FNIP1: variants seen among roughly 807,000 people sequenced by gnomAD.
FNIP1 encodes the protein folliculin-interacting protein 1.
A neutral mutation model predicts 124.5 loss-of-function variants in FNIP1; 40 were observed. That is an observed-to-expected ratio of 0.32 (90% CI 0.25 to 0.42). FNIP1 has a LOEUF of 0.42. Among genes scored for constraint, FNIP1 ranks in the 10% least tolerant of loss-of-function variants. The probability of loss-of-function intolerance (pLI) is 1.00; values close to 1 mark genes in which losing one functional copy is unlikely to be tolerated. For synonymous variants in FNIP1, 472 were observed against 470.6 expected, an observed-to-expected ratio of 1.00 and a Z score of -0.04; for missense variants, 1,176 against 1,403.7, an observed-to-expected ratio of 0.84 and a Z score of 2.59.
chr5:131,729,092 G>A lies in FNIP1; in HGVS notation c.354+1812C>T, dbSNP rs544766450. Among the ~76,000 whole-genome samples, 195 of 152,122 alleles carry A rather than the reference G, an allele frequency of 1.3e-3. 1 individual carries two copies. Among genetic ancestry groups the A allele is most frequent in the African/African-American group, 4.6e-3 (190 of 41,502 alleles). The stretch of plus-strand genomic sequence containing the variant: ...GAGGAGCCCCTGCCAGATGCCAGCC[G>A]GAGCTCTCCTGTATGTGATGTCTGT... On this transcript the variant is annotated intron_variant, in intron 3 of 17. Coordinates refer to ENST00000510461, the MANE Select transcript of FNIP1 (RefSeq NM_133372.3).
intron 1 of FNIP1, among the ~76,000 whole-genome samples, chr5:131,767,597 A>G (rs1771481859): frequency 6.6e-6 from 1 of 152,158 alleles, no homozygotes; most frequent in African/African-American, 2.4e-5. Flanking sequence ...ATTAACCTAA[A>G]TACCATAGGA....
chr5:131,728,845 T>C (rs1056954148), intron 3 of FNIP1, among the ~76,000 whole-genome samples: 1 of 152,198 alleles, frequency 6.6e-6, no homozygotes. Context: ...TTGATGCTGG[T>C]GACCTTTGGA....
At position 131,642,913 on chromosome 5, in the gene FNIP1, T is replaced by G. The variant is rs1580720325; in HGVS notation, c.*1772A>C. ...AAAGGTACAATGGCCCGCAAATGTA[T>G]GAACTTTTTAATATTCTGAATTCTG... On this transcript the variant is annotated 3_prime_UTR_variant, in exon 18 of 18. Coordinates refer to ENST00000510461, the MANE Select transcript of FNIP1 (RefSeq NM_133372.3). 2 of 147,310 alleles carry G rather than the reference T, an allele frequency of 1.4e-5. No homozygotes were observed. Among genetic ancestry groups the G allele is most frequent in the Middle Eastern group, 7.1e-3 (2 of 282 alleles). The allele number at this position is 147,310 out of a possible 1,614,324, so 9.1% of individuals were successfully genotyped here.
Position 131,681,762 on chromosome 5 carries a change from T to TAAA in FNIP1, c.1203-2590_1203-2588dup, listed in dbSNP as rs34881164. 3.7e-3 allele frequency among the ~76,000 whole-genome samples: 400 copies of TAAA among 109,368 alleles called. 4 individuals carry two copies. Among genetic ancestry groups the TAAA allele is most frequent in the African/African-American group, 0.013 (333 of 26,476 alleles). The allele number at this position is 109,368 out of a possible 152,430, so 71.7% of individuals were successfully genotyped here. On this transcript the variant is annotated intron_variant, in intron 11 of 17. Coordinates refer to ENST00000510461, the MANE Select transcript of FNIP1 (RefSeq NM_133372.3). ...AGAACAATCCAGGAGTGCCAATTTC[T>TAAA]AAAAAAAAAAAAAAAACGGATTCCA...
At chr5:131,708,474 G>A (rs533838558) in intron 8 of FNIP1, among the ~76,000 whole-genome samples, 1 of 152,234 alleles carries the variant, frequency 6.6e-6, no homozygotes, top group African/African-American at 2.4e-5. Flanking sequence ...ATGCTTTTCT[G>A]AGCTTTTGCC....
chr5:131,734,823 G>T (rs550579172), intron 2 of FNIP1, among the ~76,000 whole-genome samples: 1 of 152,206 alleles, frequency 6.6e-6, no homozygotes, highest in Non-Finnish European at 1.5e-5. Context: ...GGGCTGGAGA[G>T]GATGTGGAGA....
intron 13 of FNIP1, among the ~76,000 whole-genome samples, chr5:131,673,160 A>C (rs1309008301): frequency 6.6e-6 from 1 of 150,744 alleles, no homozygotes; most frequent in Admixed American, 6.6e-5. Context: ...TGATCCTGCT[A>C]CCTCAGCCTC....
At chr5:131,675,477 A>T (rs1251353824) in intron 13 of FNIP1, among the ~76,000 whole-genome samples, 1 of 152,250 alleles carries the variant, frequency 6.6e-6, no homozygotes, top group Non-Finnish European at 1.5e-5. Flanking sequence ...GTCCCAATTT[A>T]AAAAATACTA....
Position 131,672,415 on chromosome 5 carries a change from T to C in FNIP1, c.2029A>G (p.Lys677Glu). The C allele has an allele frequency of 6.2e-7, 1 of 1,614,016 alleles. No homozygotes were observed. Residue 677 changes from lysine to glutamate, a missense_variant, in exon 14 of 18, where the codon AAG becomes GAG. Physicochemically the swap from Lys to Glu is moderately conservative, Grantham distance 56. Around this residue, in one of 2 missense-constraint regions of FNIP1, gnomAD observed 1,109 missense variants for 1,288.5 expected, o/e 0.86. Coordinates refer to ENST00000510461, the MANE Select transcript of FNIP1 (RefSeq NM_133372.3). ...RDKLRTCFDA[K>E]LETVVCTGSV... is the part of the protein sequence containing the mutation. The stretch of plus-strand genomic sequence containing the variant: ...CCTGTGCAAACAACTGTCTCTAACT[T>C]GGCGTCAAAGCAAGTTCTTAATTTA...
At chr5:131,756,836 A>G (rs761521843) in intron 1 of FNIP1, among the ~76,000 whole-genome samples, 6 of 152,214 alleles carry the variant, frequency 3.9e-5, no homozygotes, top group African/African-American at 1.4e-4. Context: ...GAAAATGGGG[A>G]AAGGAGCTAG....
intron 11 of FNIP1, among the ~76,000 whole-genome samples, chr5:131,693,878 CAAT>C (rs1035588465): frequency 5.3e-5 from 8 of 151,546 alleles, no homozygotes; most frequent in African/African-American, 1.9e-4. Context: ...CAAAACTCAA[CAAT>C]AAGAAAAAAA....
At chr5:131,647,251 A>AG (rs1194469957) in intron 16 of FNIP1, 46 bp from the exon 17 acceptor site, 4 of 1,413,002 alleles carry the variant, frequency 2.8e-6, no homozygotes, top group Non-Finnish European at 4.0e-6. Flanking sequence ...AACAGTTTGC[A>AG]ACTCTCAGTC....
chr5:131,729,515 C>T (rs887521341), intron 3 of FNIP1, among the ~76,000 whole-genome samples: 1 of 152,220 alleles, frequency 6.6e-6, no homozygotes, highest in South Asian at 2.1e-4. Context: ...CCGCCTTCTG[C>T]GCTGATCTCA....
intron 11 of FNIP1, among the ~76,000 whole-genome samples, chr5:131,682,615 G>C (rs1488461499): frequency 6.6e-6 from 1 of 151,846 alleles, no homozygotes; most frequent in Non-Finnish European, 1.5e-5. Flanking sequence ...TACTTGGGAG[G>C]CTGAGGCACA....
chr5:131,794,140 G>C (rs905779670), intron 1 of FNIP1, among the ~76,000 whole-genome samples: 17 of 148,162 alleles, frequency 1.1e-4, no homozygotes, highest in Admixed American at 2.7e-4. Flanking sequence ...GCTGAGGTGA[G>C]AGGATTACTA....
At chr5:131,771,893 A>G (rs1771646379) in intron 1 of FNIP1, among the ~76,000 whole-genome samples, 1 of 152,138 alleles carries the variant, frequency 6.6e-6, no homozygotes. Flanking sequence ...ATTTGACACT[A>G]TGACCTCCTT....
intron 2 of FNIP1, among the ~76,000 whole-genome samples, chr5:131,731,954 G>T (rs1770108341): frequency 6.6e-6 from 1 of 152,210 alleles, no homozygotes; most frequent in Non-Finnish European, 1.5e-5. Flanking sequence ...TTCGAAATGA[G>T]AATATACTAA....
chr5:131,743,480 T>C (rs1315950992), intron 2 of FNIP1, among the ~76,000 whole-genome samples: 1 of 147,052 alleles, frequency 6.8e-6, no homozygotes, highest in Non-Finnish European at 1.5e-5. Flanking sequence ...AAAGGGAAAA[T>C]GAGAGACACC....
intron 17 of FNIP1, 74 bp from the exon 18 acceptor site, chr5:131,644,837 C>T: frequency 7.0e-7 from 1 of 1,431,582 alleles, no homozygotes. Context: ...GCAATGACCA[C>T]CAACTGTAAG....
Sources: gnomAD v4.1 joint callset for allele counts (sites outside exome capture counted in the v4.1 genomes callset) on GRCh38, gnomAD v4.1.1 for gene constraint, gnomAD v4.1.1 regional missense constraint, MANE v1.5 for transcripts, NCBI Gene and HGNC (gene_info 2026-07-23, HGNC 2026-07-21) for gene names.